Variants in CLSTN2 observed in about 807,000 individuals in gnomAD.
CLSTN2 encodes the protein calsyntenin-2.
In CLSTN2, 48 loss-of-function variants were observed where a neutral mutation model predicts 101.2. That is an observed-to-expected ratio of 0.47 (90% CI 0.38 to 0.60). The LOEUF (loss-of-function observed/expected upper bound fraction) is 0.60. CLSTN2 is among the 20% of genes least tolerant of loss of function. CLSTN2 has a pLI of 0.00. For synonymous variants in CLSTN2, 481 were observed against 463.6 expected (o/e 1.04, Z -0.48); for missense variants, 1,160 against 1,238.2 (o/e 0.94, Z 0.95).
At chr3:140,142,712 C>T (rs542456989) in intron 1 of CLSTN2, among the ~76,000 whole-genome samples, 12 of 152,286 alleles carry the variant, frequency 7.9e-5, no homozygotes, top group Admixed American at 2.6e-4. Flanking sequence ...TGGGTCCTTT[C>T]GTGACCTGGA....
At chr3:140,398,037 TCA>T (rs2088202788) in intron 2 of CLSTN2, among the ~76,000 whole-genome samples, 1 of 116,846 alleles carries the variant, frequency 8.6e-6, no homozygotes, top group Non-Finnish European at 2.0e-5. Context: ...GCAAATACTC[TCA>T]GTTCTTTTTC....
intron 11 of CLSTN2, among the ~76,000 whole-genome samples, chr3:140,557,855 A>G (rs1935830194): frequency 2.0e-5 from 3 of 152,186 alleles, no homozygotes; most frequent in Admixed American, 6.5e-5. Context: ...AGGTCTGACG[A>G]GAAGTTCAAA....
At chr3:140,509,735 G>A (rs575733760) in intron 8 of CLSTN2, among the ~76,000 whole-genome samples, 11 of 152,294 alleles carry the variant, frequency 7.2e-5, no homozygotes, top group East Asian at 3.9e-4. Context: ...CCCCCACTTC[G>A]TTGAGACTGG....
Position 140,563,184 on chromosome 3 carries a change from T to C in CLSTN2, c.2463T>C (p.Ser821=), listed in dbSNP as rs745936330. The C allele has an allele frequency of 1.2e-6, 2 of 1,613,872 alleles. No homozygotes were observed. Among genetic ancestry groups the C allele is most frequent in the Admixed American group, 1.7e-5 (1 of 60,000 alleles). Residue 821 remains serine, a synonymous_variant, in exon 15 of 17, where the codon AGT becomes AGC. Transcript: ENST00000458420. ...CTGTCCATCATCCTGAGTCCCGGAGTAGCATCCAGCACAGTTCAGGTAGGG... is the reference window on the plus strand; with the variant it reads ...CTGTCCATCATCCTGAGTCCCGGAGCAGCATCCAGCACAGTTCAGGTAGGG... ...LQSVHHPESR[S]SIQHSSVVPS...
chr3:140,147,893 T>G (rs982264588), intron 1 of CLSTN2, among the ~76,000 whole-genome samples: 99 of 152,344 alleles, frequency 6.5e-4, no homozygotes, highest in Non-Finnish European at 9.4e-4. Context: ...TGTCATTTTT[T>G]AGAGAATGTC....
rs543537970 is a variant in CLSTN2 at position 140,475,117 on chromosome 3, T to C, written c.1344+8386T>C. ...TGTAGTGCAGGTAGTTTCAGATCTATAGCAGGCAATGAACAAGTAGTGACT... is the reference window on the plus strand; with the variant it reads ...TGTAGTGCAGGTAGTTTCAGATCTACAGCAGGCAATGAACAAGTAGTGACT... On this transcript the variant is annotated intron_variant, in intron 8 of 16. Coordinates refer to ENST00000458420, the MANE Select transcript of CLSTN2 (RefSeq NM_022131.3). Among the ~76,000 whole-genome samples the C allele has an allele frequency of 3.9e-5, 6 of 151,908 alleles. No homozygotes were observed. In the East Asian group the frequency reaches 9.7e-4, roughly 25 times the overall value.
In CLSTN2 at chr3:140,574,494, G is replaced by T. The variant is rs1385081578; in HGVS notation, c.*8241G>T. 6.6e-6 allele frequency: 1 copy of T among 152,204 alleles called. No individual in the cohort carries two copies. Among genetic ancestry groups the T allele is most frequent in the African/African-American group, 2.4e-5 (1 of 41,454 alleles). The allele number at this position is 152,204 out of a possible 1,614,324, so 9.4% of individuals were successfully genotyped here. On this transcript the variant is annotated 3_prime_UTR_variant, in exon 17 of 17. Transcript: ENST00000458420. ...TGACCCAGCCTTGTGCTGCTCTCCA[G>T]TTCCTTTCATCAGATTTACTGCAGA...
chr3:140,171,856 T>A (rs1181354268), intron 1 of CLSTN2, among the ~76,000 whole-genome samples: 5 of 116,094 alleles, frequency 4.3e-5, no homozygotes, highest in African/African-American at 1.0e-4. Flanking sequence ...AATATATATA[T>A]TATATAATAA....
At position 140,466,537 on chromosome 3, in the gene CLSTN2, A is replaced by G. The variant is rs1933707487; in HGVS notation, c.1223-73A>G. ...TCCTCTGTGCTGTGCTAAGTGAGTG[A>G]GCAGGAAGACTCCTCTGGTGGAGGC... is the stretch of plus-strand genomic sequence containing the variant. On this transcript the variant is annotated intron_variant, in intron 7 of 16. Transcript: ENST00000458420. 7.5e-6 allele frequency: 12 copies of G among 1,592,360 alleles called. No homozygotes were observed. The South Asian group carries it at 1.4e-4, about 18-fold the overall frequency.
At chr3:140,278,358 T>G (rs1553727691) in intron 2 of CLSTN2, among the ~76,000 whole-genome samples, 1 of 152,094 alleles carries the variant, frequency 6.6e-6, no homozygotes, top group African/African-American at 2.4e-5. Context: ...GGCTCAACAC[T>G]TGAGCGAGCG....
intron 1 of CLSTN2, among the ~76,000 whole-genome samples, chr3:140,153,340 T>C (rs1373679437): frequency 6.6e-6 from 1 of 152,268 alleles, no homozygotes; most frequent in Non-Finnish European, 1.5e-5. Context: ...TGCTCTCCTA[T>C]TGAGTGTGTA....
At chr3:140,231,256 G>A (rs966577023) in intron 2 of CLSTN2, among the ~76,000 whole-genome samples, 7 of 151,974 alleles carry the variant, frequency 4.6e-5, no homozygotes, top group African/African-American at 7.3e-5. Context: ...ACACCCTCCC[G>A]TCTCCCTGGC....
chr3:140,527,765 T>C (rs542277756), intron 8 of CLSTN2, among the ~76,000 whole-genome samples: 3 of 152,164 alleles, frequency 2.0e-5, no homozygotes, highest in Non-Finnish European at 4.4e-5. Context: ...ATGTCCTTTG[T>C]GGCAACATAG....
rs143281889 is a variant in CLSTN2, at chr3:140,272,076, T to G, written c.232+96003T>G. ...TAACTTTCTGCCATTCTGGAATTGGTGTGTGTGTGTCAAGAAGGGGCAATA... is the reference window on the plus strand; with the variant it reads ...TAACTTTCTGCCATTCTGGAATTGGGGTGTGTGTGTCAAGAAGGGGCAATA... On this transcript the variant is annotated intron_variant, in intron 2 of 16. Transcript: ENST00000458420. Among the ~76,000 whole-genome samples the G allele has an allele frequency of 8.9e-3, 1,348 of 152,210 alleles. 11 individuals carry two copies. The highest frequency in any genetic ancestry group is 0.024 in the Middle Eastern group (7 of 294).
intron 2 of CLSTN2, among the ~76,000 whole-genome samples, chr3:140,288,607 G>A (rs1227861283): frequency 1.3e-5 from 2 of 152,154 alleles, no homozygotes; most frequent in African/African-American, 2.4e-5. Context: ...ATTGGCTTGA[G>A]GAAATGCTGA....
intron 8 of CLSTN2, among the ~76,000 whole-genome samples, chr3:140,473,706 C>A (rs980269254): frequency 1.7e-4 from 26 of 151,708 alleles, no homozygotes; most frequent in Admixed American, 1.5e-3. Flanking sequence ...TTCTGACCTC[C>A]AAAACTATAA....
rs1181229442 is a variant in CLSTN2, at chr3:140,569,655, C to G, written c.*3402C>G. 1 of 152,184 alleles carries G rather than the reference C, an allele frequency of 6.6e-6. No individual in the cohort carries two copies. Among genetic ancestry groups the G allele is most frequent in the African/African-American group, 2.4e-5 (1 of 41,436 alleles). The allele number at this position is 152,184 out of a possible 1,614,324, so 9.4% of individuals were successfully genotyped here. A position where few individuals can be genotyped will look rare whatever the true frequency, so the allele number is the denominator to read the frequency against. ...CAAAAATGTGATTTCAGTGAAATCT[C>G]TTTTCATTGCCGCTTTCTTTTGTTG... On this transcript the variant is annotated 3_prime_UTR_variant, in exon 17 of 17. Coordinates refer to ENST00000458420, the MANE Select transcript of CLSTN2 (RefSeq NM_022131.3).
intron 1 of CLSTN2, among the ~76,000 whole-genome samples, chr3:139,960,606 C>T (rs1935491683): frequency 6.6e-6 from 1 of 152,208 alleles, no homozygotes. Context: ...CCTTCCTTTC[C>T]TTCTCTGCCT....
intron 1 of CLSTN2, among the ~76,000 whole-genome samples, chr3:140,089,646 C>G (rs757003276): frequency 6.6e-6 from 1 of 150,862 alleles, no homozygotes; most frequent in Non-Finnish European, 1.5e-5. Flanking sequence ...GGGTCTTGCT[C>G]CCATTGTCCA....
Sources: gnomAD v4.1 joint callset for allele counts (sites outside exome capture counted in the v4.1 genomes callset) on GRCh38, gnomAD v4.1.1 for gene constraint, MANE v1.5 for transcripts, NCBI Gene and HGNC (gene_info 2026-07-23, HGNC 2026-07-21) for gene names.